The following NCKAP5 variants were observed in gnomAD, a reference collection of about 807,000 sequenced individuals.
NCKAP5 encodes the protein nck-associated protein 5.
In NCKAP5, 92 loss-of-function variants were observed where a neutral mutation model predicts 167.0. That is an observed-to-expected ratio of 0.55 (90% confidence interval 0.47 to 0.66). The LOEUF is 0.66. Among genes scored for constraint, NCKAP5 ranks in the 30% least tolerant of loss-of-function variants. The probability of loss-of-function intolerance (pLI) is 0.00; values close to 1 mark genes in which losing one functional copy is unlikely to be tolerated. For synonymous variants in NCKAP5, 891 were observed against 877.4 expected, an observed-to-expected ratio of 1.02 and a Z score of -0.27; for missense variants, 2,378 against 2,315.0, an observed-to-expected ratio of 1.03 and a Z score of -0.56.
intron 8 of NCKAP5, among the ~76,000 whole-genome samples, chr2:132,879,228 A>T (rs1365419667): frequency 6.6e-6 from 1 of 152,218 alleles, no homozygotes; most frequent in African/African-American, 2.4e-5. Flanking sequence ...TTATTCTGTG[A>T]AAATGTAAAT....
At chr2:133,094,100 A>G (rs2081273636) in intron 6 of NCKAP5, among the ~76,000 whole-genome samples, 1 of 152,236 alleles carries the variant, frequency 6.6e-6, no homozygotes, top group Non-Finnish European at 1.5e-5. Flanking sequence ...CTATTTGCCA[A>G]GCAATATGGA....
At chr2:133,631,883 T>A in the NCKAP5 span, among the ~76,000 whole-genome samples, 1 of 152,186 alleles carries the variant, frequency 6.6e-6, no homozygotes, top group Admixed American at 6.5e-5. Flanking sequence ...TGGAGAAATG[T>A]CCATTTCTTT....
intron 5 of NCKAP5, among the ~76,000 whole-genome samples, chr2:133,211,501 T>G (rs1370391944): frequency 2.6e-5 from 4 of 152,086 alleles, no homozygotes; most frequent in African/African-American, 9.7e-5. Context: ...ATACTATGCA[T>G]GTTCTATTTT....
chr2:132,773,226 C>T (rs1156727937), intron 16 of NCKAP5, among the ~76,000 whole-genome samples: 1 of 152,206 alleles, frequency 6.6e-6, no homozygotes, highest in Non-Finnish European at 1.5e-5. Flanking sequence ...AGTTCTCCAT[C>T]ACTGGTTACC....
intron 3 of NCKAP5, among the ~76,000 whole-genome samples, chr2:133,370,459 A>C (rs1358595433): frequency 2.0e-5 from 3 of 152,136 alleles, no homozygotes; most frequent in Non-Finnish European, 4.4e-5. Context: ...GATACCAATG[A>C]GGTGCCTCTA....
At chr2:133,072,219 G>A (rs1486040684) in intron 6 of NCKAP5, among the ~76,000 whole-genome samples, 1 of 152,060 alleles carries the variant, frequency 6.6e-6, no homozygotes, top group Non-Finnish European at 1.5e-5. Flanking sequence ...ATGAGAAGCT[G>A]GGATTACAGC....
At chr2:133,541,114 A>G (rs1686198594) in intron 2 of NCKAP5, among the ~76,000 whole-genome samples, 2 of 151,218 alleles carry the variant, frequency 1.3e-5, no homozygotes, top group African/African-American at 4.8e-5. Context: ...GCATGTCACA[A>G]ATTATAAGGT....
At chr2:133,546,076 A>C (rs1336416285) in intron 2 of NCKAP5, among the ~76,000 whole-genome samples, 1 of 152,074 alleles carries the variant, frequency 6.6e-6, no homozygotes, top group African/African-American at 2.4e-5. Flanking sequence ...GCTCATATGC[A>C]CACACACACC....
chr2:132,908,120 AC>A (rs746847861), intron 8 of NCKAP5, among the ~76,000 whole-genome samples: 3 of 152,176 alleles, frequency 2.0e-5, no homozygotes, highest in Non-Finnish European at 4.4e-5. Flanking sequence ...CATTTCTGTA[AC>A]CTTTATTTAT....
At chr2:133,326,642 G>GT (rs78404666) in intron 3 of NCKAP5, among the ~76,000 whole-genome samples, 22,564 of 151,824 alleles carry the variant, frequency 0.15, 2,223 homozygotes, top group East Asian at 0.32. Flanking sequence ...TGGACATTAT[G>GT]GTTATTAATA....
intron 3 of NCKAP5, among the ~76,000 whole-genome samples, chr2:133,463,883 T>C (rs1228913878): frequency 2.0e-5 from 3 of 152,226 alleles, no homozygotes. Context: ...AGAATTTAGT[T>C]TTCCTTGAGG....
At chr2:133,419,270 G>A (rs954310127) in intron 3 of NCKAP5, among the ~76,000 whole-genome samples, 4 of 152,132 alleles carry the variant, frequency 2.6e-5, no homozygotes, top group Admixed American at 2.6e-4. Flanking sequence ...GAAACAAAGA[G>A]TAATGGAATT....
intron 5 of NCKAP5, among the ~76,000 whole-genome samples, chr2:133,198,319 T>A (rs1016896521): frequency 6.6e-6 from 1 of 151,978 alleles, no homozygotes; most frequent in Non-Finnish European, 1.5e-5. Context: ...AACAGGATAA[T>A]TTCAAAGAAA....
At chr2:132,853,135 T>A (rs1471164834) in intron 11 of NCKAP5, among the ~76,000 whole-genome samples, 1 of 152,218 alleles carries the variant, frequency 6.6e-6, no homozygotes, top group Non-Finnish European at 1.5e-5. Flanking sequence ...GCCACCACTT[T>A]CAGGGCAGAG....
chr2:132,710,015 CA>C (rs950683405), intron 19 of NCKAP5, among the ~76,000 whole-genome samples: 2 of 151,906 alleles, frequency 1.3e-5, no homozygotes, highest in Non-Finnish European at 2.9e-5. Context: ...TCATTATTTA[CA>C]AAAAATATCA....
chr2:133,170,745 C>T lies in NCKAP5; in HGVS notation c.208-40634G>A, dbSNP rs115812403. On this transcript the variant is annotated intron_variant, in intron 5 of 19. Transcript: ENST00000409261. Reference sequence around the variant, plus strand: ...GCGATGGGAGTGACTATTCCAAAGCCATGGCTTCTTCTTTTCTACATTTCA... The same window carrying T: ...GCGATGGGAGTGACTATTCCAAAGCTATGGCTTCTTCTTTTCTACATTTCA... 7.1e-4 allele frequency among the ~76,000 whole-genome samples: 108 copies of T among 152,328 alleles called. 2 individuals carry two copies. The highest frequency in any genetic ancestry group is 4.8e-3 in the South Asian group (23 of 4,826).
chr2:133,395,253 G>C (rs1299721615), intron 3 of NCKAP5, among the ~76,000 whole-genome samples: 1 of 152,180 alleles, frequency 6.6e-6, no homozygotes, highest in Non-Finnish European at 1.5e-5. Flanking sequence ...TTGGCAGGAA[G>C]GCTTATGTAA....
intron 5 of NCKAP5, among the ~76,000 whole-genome samples, chr2:133,133,939 T>C (rs902271790): frequency 5.3e-5 from 8 of 152,224 alleles, no homozygotes; most frequent in Non-Finnish European, 2.9e-5. Flanking sequence ...CCCCTACTAC[T>C]GTCAGCTCTG....
chr2:133,503,771 T>A (rs968593989), intron 3 of NCKAP5, among the ~76,000 whole-genome samples: 1 of 152,268 alleles, frequency 6.6e-6, no homozygotes, highest in Non-Finnish European at 1.5e-5. Context: ...AGAACTTTTG[T>A]TATTTCCAAA....
Sources: gnomAD v4.1 joint callset for allele counts (sites outside exome capture counted in the v4.1 genomes callset) on GRCh38, gnomAD v4.1.1 for gene constraint, MANE v1.5 for transcripts, NCBI Gene and HGNC (gene_info 2026-07-23, HGNC 2026-07-21) for gene names.